Variants in SAMD4B observed in about 807,000 individuals in gnomAD.
SAMD4B encodes the protein protein Smaug homolog 2.
SAMD4B carries 5 observed loss-of-function variants against 74.5 expected under a neutral mutation model. The observed-to-expected ratio is 0.07, with a 90% confidence interval of 0.04 to 0.14. SAMD4B has a LOEUF of 0.14. Among genes scored for constraint, SAMD4B ranks in the 10% least tolerant of loss-of-function variants. SAMD4B has a pLI of 1.00. For synonymous variants in SAMD4B, 373 were observed against 374.9 expected, an observed-to-expected ratio of 1.00 and a Z score of 0.06; for missense variants, 608 against 921.8, an observed-to-expected ratio of 0.66 and a Z score of 4.41.
At chr19:39,385,919 A>C, downstream of SAMD4B, 3 of 1,586,918 alleles carry the variant, frequency 1.9e-6, 1 homozygote, top group East Asian at 6.8e-5. Context: ...AAAGGCTCAC[A>C]AACAGACCAC....
In SAMD4B at chr19:39,380,090, C is replaced by T. The variant is rs763338796; in HGVS notation, c.1649+6C>T. Reference sequence around the variant, plus strand: ...AACTACCGGCAGCAGAAAGGGTAGGCGGGTGGCCAGGTTACAGGGACCTGC... The same window carrying T: ...AACTACCGGCAGCAGAAAGGGTAGGTGGGTGGCCAGGTTACAGGGACCTGC... On this transcript the variant is annotated splice_donor_region_variant and intron_variant, in intron 10 of 13. Transcript: ENST00000610417. 1.2e-6 allele frequency: 2 copies of T among 1,610,598 alleles called. No homozygotes were observed. The highest frequency in any genetic ancestry group is 2.2e-5 in the East Asian group (1 of 44,806).
At chr19:39,365,399 T>C (rs1404836003) in intron 3 of SAMD4B, among the ~76,000 whole-genome samples, 1 of 148,850 alleles carries the variant, frequency 6.7e-6, no homozygotes, top group Non-Finnish European at 1.5e-5. Flanking sequence ...ACTCAAAATA[T>C]AAAAATTAGC....
downstream of SAMD4B, chr19:39,386,405 TGGAA>T (rs745444979): frequency 4.3e-6 from 7 of 1,614,130 alleles, no homozygotes; most frequent in East Asian, 2.2e-5. The surrounding 1 kb of genome is among the most constrained non-coding windows in gnomAD (Gnocchi z 6.1). Flanking sequence ...GCTCCTCATC[TGGAA>T]GGGAGTGGAG....
intron 3 of SAMD4B, chr19:39,369,366 C>T (rs539215318): frequency 7.2e-6 from 3 of 417,126 alleles, no homozygotes; most frequent in Non-Finnish European, 1.3e-5. Context: ...CAGGTCAAAA[C>T]TCCCGTGCTG....
rs148234728 is a variant in SAMD4B, at chr19:39,346,700, A to G, written c.-267+4124A>G. ...TCCAAGATGGTAGTGCCTTGGGTCAAAAAGTTTGATTTTTAGTTAAGATAG... is the reference window on the plus strand; with the variant it reads ...TCCAAGATGGTAGTGCCTTGGGTCAGAAAGTTTGATTTTTAGTTAAGATAG... On this transcript the variant is annotated intron_variant, in intron 1 of 13. Coordinates refer to ENST00000610417, the MANE Select transcript of SAMD4B (RefSeq NM_001384574.2). Among the ~76,000 whole-genome samples, 724 of 152,250 alleles carry G rather than the reference A, an allele frequency of 4.8e-3. 7 individuals carry two copies. The highest frequency in any genetic ancestry group is 0.016 in the African/African-American group (658 of 41,546).
chr19:39,378,797 C>T lies in SAMD4B; in HGVS notation c.1530+208C>T, dbSNP rs112284354. On this transcript the variant is annotated intron_variant, in intron 9 of 13. Transcript: ENST00000610417. This position sits in a 1 kb window ranked among gnomAD's most constrained non-coding sequence, Gnocchi z 4.4. ...TGGCAGGTGCCTGCAGTCCCAGCTA[C>T]GCGGGAGGCTGAGGCAGAATGGCGT... Among the ~76,000 whole-genome samples, 9,305 of 152,304 alleles carry T rather than the reference C, an allele frequency of 0.061. 450 individuals carry two copies. Among genetic ancestry groups the T allele is most frequent in the African/African-American group, 0.13 (5,435 of 41,554 alleles).
chr19:39,381,990 T>C (rs1196830165), intron 12 of SAMD4B, among the ~76,000 whole-genome samples: 1 of 152,212 alleles, frequency 6.6e-6, no homozygotes, highest in Non-Finnish European at 1.5e-5. Flanking sequence ...CGCAGGTCCC[T>C]GCCCTGCTCA....
chr19:39,361,962 C>G (rs1448243432), intron 3 of SAMD4B, among the ~76,000 whole-genome samples: 1 of 152,164 alleles, frequency 6.6e-6, no homozygotes, highest in Non-Finnish European at 1.5e-5. Context: ...CCAAGCCCTT[C>G]TTTAGCTTGG....
rs1235632707 is a variant in SAMD4B at position 39,376,548 on chromosome 19, TGA to T, written c.1017+3_1017+4del. The T allele has an allele frequency of 6.2e-7, 1 of 1,612,094 alleles. No homozygotes were observed. Among genetic ancestry groups the T allele is most frequent in the South Asian group, 1.1e-5 (1 of 91,042 alleles). On this transcript the variant is annotated splice_donor_region_variant and intron_variant, in intron 6 of 13. Transcript: ENST00000610417. The stretch of plus-strand genomic sequence containing the variant: ...ACTGAGCAGCACCTGGAGTCTCAGG[TGA>T]AGCCAAGGGGACCATCAGGGAGGTG...
chr19:39,358,082 C>T (rs1227730429), intron 3 of SAMD4B, among the ~76,000 whole-genome samples: 1 of 152,088 alleles, frequency 6.6e-6, no homozygotes, highest in Non-Finnish European at 1.5e-5. Flanking sequence ...ACCAGCCTGG[C>T]TAACGTGGCA....
chr19:39,356,948 G>C lies in SAMD4B; in HGVS notation c.55G>C (p.Glu19Gln), dbSNP rs773045956. 1.2e-6 allele frequency: 2 copies of C among 1,614,042 alleles called. No homozygotes were observed. Among genetic ancestry groups the C allele is most frequent in the Non-Finnish European group, 1.7e-6 (2 of 1,179,980 alleles). The change falls in exon 3 of 14, where the codon GAG (glutamate) becomes CAG (glutamine). Residue 19 changes from glutamate to glutamine, a missense_variant. By Grantham distance (29) the Glu-to-Gln change is conservative (BLOSUM62 2). Coordinates refer to ENST00000610417, the MANE Select transcript of SAMD4B (RefSeq NM_001384574.2). ...CGCTGGCTGGTTCAAAGGCTGGAAT[G>C]AGTGTGAGCAGACAGTGGCCCTCCT... ...ILAGWFKGWN[E>Q]CEQTVALLSL... is the part of the protein sequence containing the mutation.
At chr19:39,351,631 G>A (rs2076046610) in intron 1 of SAMD4B, 2 of 152,090 alleles carry the variant, frequency 1.3e-5, no homozygotes. Flanking sequence ...CAGGCTAGCT[G>A]CATCTAGGTT....
chr19:39,357,157 A>T (rs1180786073), intron 3 of SAMD4B, 68 bp downstream of exon 3: 2 of 1,413,296 alleles, frequency 1.4e-6, no homozygotes, highest in African/African-American at 2.8e-5. Flanking sequence ...CACATGGCTA[A>T]GAAGGTCAAC....
intron 4 of SAMD4B, among the ~76,000 whole-genome samples, chr19:39,372,438 T>TG (rs996723944): frequency 1.4e-4 from 21 of 152,086 alleles, no homozygotes; most frequent in African/African-American, 4.6e-4. Flanking sequence ...GGCTACATTC[T>TG]GGGGGGCGTT....
chr19:39,363,449 TA>T (rs1462509829), intron 3 of SAMD4B, among the ~76,000 whole-genome samples: 4 of 152,166 alleles, frequency 2.6e-5, no homozygotes. Flanking sequence ...TCGGGAATCT[TA>T]AGGGGAAGGC....
intron 4 of SAMD4B, among the ~76,000 whole-genome samples, chr19:39,372,030 C>A (rs1450516257): frequency 6.6e-6 from 1 of 152,130 alleles, no homozygotes; most frequent in East Asian, 1.9e-4. Context: ...GGCAGGGTGC[C>A]TATAAATTTC....
chr19:39,381,161 G>T, intron 12 of SAMD4B, 48 bp downstream of exon 12: 1 of 1,531,202 alleles, frequency 6.5e-7, no homozygotes, highest in Non-Finnish European at 8.8e-7. Context: ...ATCCTCAGCT[G>T]ACCTTTCTTT....
At chr19:39,358,237 C>G (rs2076444211) in intron 3 of SAMD4B, among the ~76,000 whole-genome samples, 1 of 152,194 alleles carries the variant, frequency 6.6e-6, no homozygotes, top group South Asian at 2.1e-4. Flanking sequence ...TGCCATTGCA[C>G]TCCAGCCTGG....
chr19:39,379,935 C>G (rs752931675), intron 9 of SAMD4B, 31 bp from the exon 10 acceptor site: 17 of 1,541,338 alleles, frequency 1.1e-5, no homozygotes, highest in Non-Finnish European at 1.5e-5. Context: ...GCATCACCCT[C>G]TCTGCTTCAC....
Sources: gnomAD v4.1 joint callset for allele counts (sites outside exome capture counted in the v4.1 genomes callset) on GRCh38, gnomAD v4.1.1 for gene constraint, Gnocchi (gnomAD v3.1) non-coding constraint, MANE v1.5 for transcripts, NCBI Gene and HGNC (gene_info 2026-07-23, HGNC 2026-07-21) for gene names.